Variants in NEGR1 observed in about 807,000 individuals in gnomAD.
NEGR1 encodes neuronal growth regulator 1.
In NEGR1, 10 loss-of-function variants were observed where a neutral mutation model predicts 40.9. The ratio of observed to expected loss-of-function variants is 0.24; its 90% CI spans 0.15 to 0.42. The LOEUF (loss-of-function observed/expected upper bound fraction) is 0.42, where lower values mean the gene tolerates loss of function less well. Ranked by LOEUF, NEGR1 falls within the 10% of genes least tolerant of loss-of-function variation. The pLI is 1.00. For synonymous variants in NEGR1, 185 were observed against 166.8 expected (o/e 1.11, Z -0.84); for missense variants, 352 against 438.9 (o/e 0.80, Z 1.77).
intron 2 of NEGR1, among the ~76,000 whole-genome samples, chr1:71,848,854 G>A (rs1351816453): frequency 2.0e-5 from 3 of 152,120 alleles, no homozygotes; most frequent in South Asian, 4.1e-4. Flanking sequence ...TTGGGAGGCC[G>A]AGGCGGGTGG....
At chr1:72,102,189 T>C (rs2100247495) in intron 1 of NEGR1, among the ~76,000 whole-genome samples, 1 of 152,236 alleles carries the variant, frequency 6.6e-6, no homozygotes, top group Non-Finnish European at 1.5e-5. Flanking sequence ...GAAAGAAGTA[T>C]ACTTATAAAA....
chr1:71,913,734 G>C lies in NEGR1; in HGVS notation c.409+21345C>G, dbSNP rs543253591. 1.7e-4 allele frequency among the ~76,000 whole-genome samples: 26 copies of C among 151,746 alleles called. No homozygotes were observed. The East Asian group carries it at 3.3e-3, about 19-fold the overall frequency. On this transcript the variant is annotated intron_variant, in intron 2 of 6. Coordinates refer to ENST00000357731, the MANE Select transcript of NEGR1 (RefSeq NM_173808.3). ...TCTAATCTTTTATAACAAAAGAATGGATGGCACATAGACACAAAAGAAAAA... is the reference window on the plus strand; with the variant it reads ...TCTAATCTTTTATAACAAAAGAATGCATGGCACATAGACACAAAAGAAAAA...
chr1:71,488,662 T>G (rs1646903981), intron 6 of NEGR1, among the ~76,000 whole-genome samples: 1 of 151,736 alleles, frequency 6.6e-6, no homozygotes, highest in Non-Finnish European at 1.5e-5. Context: ...CTTGTCACCA[T>G]GTAGCATGAA....
chr1:71,895,434 C>G (rs907953480), intron 2 of NEGR1, among the ~76,000 whole-genome samples: 1 of 152,116 alleles, frequency 6.6e-6, no homozygotes, highest in African/African-American at 2.4e-5. Context: ...AATGCCATTC[C>G]CATTAGTACC....
intron 1 of NEGR1, among the ~76,000 whole-genome samples, chr1:72,265,710 T>C (rs1655615450): frequency 6.6e-6 from 1 of 150,992 alleles, no homozygotes; most frequent in Non-Finnish European, 1.5e-5. Flanking sequence ...TAAAAGATAT[T>C]TGAAAAATCT....
At position 71,981,487 on chromosome 1, in the gene NEGR1, T is replaced by C. The variant is rs76335179; in HGVS notation, c.177-46176A>G. Among the ~76,000 whole-genome samples, 39 of 152,204 alleles carry C rather than the reference T, an allele frequency of 2.6e-4. No homozygotes were observed. The East Asian group carries it at 7.3e-3, about 29-fold the overall frequency. On this transcript the variant is annotated intron_variant, in intron 1 of 6. Coordinates refer to ENST00000357731, the MANE Select transcript of NEGR1 (RefSeq NM_173808.3). ...GAACAGGACTGGGTATTTGAAGATA[T>C]ATTTTGAGATGTGCATAGTGGATGG...
chr1:72,207,348 C>G (rs1653446438), intron 1 of NEGR1, among the ~76,000 whole-genome samples: 1 of 151,702 alleles, frequency 6.6e-6, no homozygotes, highest in Admixed American at 6.6e-5. Flanking sequence ...AAAGATCAAA[C>G]ATACAGTAAA....
intron 6 of NEGR1, among the ~76,000 whole-genome samples, chr1:71,546,708 G>C (rs1647908620): frequency 6.6e-6 from 1 of 151,686 alleles, no homozygotes; most frequent in African/African-American, 2.4e-5. Context: ...GCCATAGCCA[G>C]AGTTCAAATC....
At chr1:71,719,155 G>T (rs1654371199) in intron 3 of NEGR1, among the ~76,000 whole-genome samples, 1 of 152,068 alleles carries the variant, frequency 6.6e-6, no homozygotes. Flanking sequence ...TTCTGTGAAA[G>T]GATCATTTGG....
chr1:71,455,676 G>A (rs1646667643), intron 6 of NEGR1, among the ~76,000 whole-genome samples: 1 of 152,132 alleles, frequency 6.6e-6, no homozygotes, highest in Non-Finnish European at 1.5e-5. Context: ...AGTGAGCTGA[G>A]ATCACACCAC....
intron 1 of NEGR1, among the ~76,000 whole-genome samples, chr1:72,035,376 C>T (rs372746443): frequency 6.6e-6 from 1 of 152,084 alleles, no homozygotes; most frequent in African/African-American, 2.4e-5. Flanking sequence ...ACAATGGAGC[C>T]GTTTCAACCG....
At chr1:71,609,486 G>A (rs1650175718) in intron 5 of NEGR1, among the ~76,000 whole-genome samples, 1 of 110,802 alleles carries the variant, frequency 9.0e-6, no homozygotes, top group Non-Finnish European at 1.7e-5. Context: ...CTGCACTCCA[G>A]CCTGGGCGAC....
At chr1:71,637,430 G>A (rs1484476459) in intron 4 of NEGR1, among the ~76,000 whole-genome samples, 1 of 151,848 alleles carries the variant, frequency 6.6e-6, no homozygotes, top group Non-Finnish European at 1.5e-5. Flanking sequence ...TTAAAGGAGG[G>A]GGGTTAGTTT....
At chr1:71,923,730 C>T (rs1026528479) in intron 2 of NEGR1, among the ~76,000 whole-genome samples, 24 of 151,980 alleles carry the variant, frequency 1.6e-4, no homozygotes, top group Non-Finnish European at 2.6e-4. Context: ...GGCTCAGGGT[C>T]CCCTTCCTCT....
At chr1:72,280,118 A>C (rs1656192546) in intron 1 of NEGR1, among the ~76,000 whole-genome samples, 1 of 152,188 alleles carries the variant, frequency 6.6e-6, no homozygotes, top group Admixed American at 6.5e-5. Flanking sequence ...ATAGCATCAA[A>C]ATGGATGAGG....
chr1:71,812,525 G>A (rs1658039483), intron 2 of NEGR1, among the ~76,000 whole-genome samples: 1 of 152,106 alleles, frequency 6.6e-6, no homozygotes, highest in Non-Finnish European at 1.5e-5. Flanking sequence ...CAGTGTAAAA[G>A]CATTCCTATT....
chr1:71,628,894 T>C (rs1319511519), intron 4 of NEGR1, among the ~76,000 whole-genome samples: 2 of 152,166 alleles, frequency 1.3e-5, no homozygotes, highest in Non-Finnish European at 2.9e-5. Flanking sequence ...TGTGTCTTTA[T>C]AGCAGAATGA....
At chr1:71,696,461 G>A (rs1653478078) in intron 4 of NEGR1, among the ~76,000 whole-genome samples, 1 of 151,586 alleles carries the variant, frequency 6.6e-6, no homozygotes, top group South Asian at 2.1e-4. Context: ...TGGGTGCCTT[G>A]TTTATTTGAT....
intron 1 of NEGR1, among the ~76,000 whole-genome samples, chr1:71,970,689 A>C (rs551473145): frequency 2.0e-5 from 3 of 152,304 alleles, no homozygotes; most frequent in Admixed American, 2.0e-4. Flanking sequence ...CTCTGTCTCA[A>C]AGAAAAAAAA....
Sources: allele counts gnomAD v4.1 joint callset (sites outside exome capture counted in the v4.1 genomes callset), GRCh38; gene constraint gnomAD v4.1.1; transcripts MANE v1.5; gene names NCBI Gene and HGNC (gene_info 2026-07-23, HGNC 2026-07-21).